The following PRR23E variants were observed in gnomAD, a reference collection of about 807,000 sequenced individuals.
PRR23E encodes PRR23 family member E.
the PRR23E span, chr3:127,197,369 C>T: frequency 1.3e-6 from 2 of 1,579,186 alleles, no homozygotes; most frequent in East Asian, 2.3e-5. Flanking sequence ...CCCGCTCCTC[C>T]TCCCGGTCAC....
chr3:127,194,661 G>A, the PRR23E span, among the ~76,000 whole-genome samples: 1 of 152,142 alleles, frequency 6.6e-6, no homozygotes, highest in Non-Finnish European at 1.5e-5. Flanking sequence ...GCAGTCTGGG[G>A]CCAGGGTGTC....
the PRR23E span, chr3:127,197,152 T>C: frequency 6.9e-6 from 11 of 1,593,688 alleles, no homozygotes; most frequent in Admixed American, 1.7e-5. Context: ...TGTCCCCAGG[T>C]GGGATGCTGG....
the PRR23E span, chr3:127,196,517 G>T: frequency 9.4e-7 from 1 of 1,064,632 alleles, no homozygotes; most frequent in Non-Finnish European, 1.3e-6. Context: ...ACCCCCAGCT[G>T]TCCCCCTCCT....
chr3:127,193,828 T>G, the PRR23E span, among the ~76,000 whole-genome samples: 1 of 152,238 alleles, frequency 6.6e-6, no homozygotes, highest in Non-Finnish European at 1.5e-5. Flanking sequence ...ATTGTAAAAA[T>G]CAAAGTTCCA....
the PRR23E span, chr3:127,196,567 A>C: frequency 7.0e-7 from 1 of 1,420,050 alleles, no homozygotes; most frequent in Non-Finnish European, 9.2e-7. Flanking sequence ...CTGCCCTCTG[A>C]CTGGCTGTCT....
the PRR23E span, among the ~76,000 whole-genome samples, chr3:127,195,261 CCTT>C: frequency 2.6e-4 from 40 of 152,282 alleles, no homozygotes; most frequent in South Asian, 2.5e-3. Flanking sequence ...ACCTTCCTCT[CCTT>C]CTCCTTACAT....
the PRR23E span, chr3:127,197,432 GACCCACCCAAC>G: frequency 8.1e-6 from 12 of 1,489,608 alleles, no homozygotes; most frequent in African/African-American, 1.4e-5. Context: ...TCTAGACCCA[GACCCACCCAAC>G]AATCAGAGAC....
the PRR23E span, chr3:127,196,612 G>A: frequency 5.4e-6 from 8 of 1,477,004 alleles, no homozygotes; most frequent in South Asian, 9.6e-5. Flanking sequence ...CCCGTGAGGT[G>A]CGTGTGGCCT....
chr3:127,195,397 T>C, the PRR23E span, among the ~76,000 whole-genome samples: 1 of 152,146 alleles, frequency 6.6e-6, no homozygotes, highest in Non-Finnish European at 1.5e-5. Context: ...ATGCTCGCCC[T>C]GAGAGTTCTG....
At chr3:127,195,111 C>T in the PRR23E span, among the ~76,000 whole-genome samples, 1 of 152,150 alleles carries the variant, frequency 6.6e-6, no homozygotes, top group Non-Finnish European at 1.5e-5. Flanking sequence ...TCTCCAGTTT[C>T]CGCTGTAACT....
chr3:127,195,132 T>G, the PRR23E span, among the ~76,000 whole-genome samples: 2 of 152,146 alleles, frequency 1.3e-5, no homozygotes, highest in Admixed American at 6.5e-5. Context: ...GTGTTTTGCC[T>G]GGGTGGAGGA....
At chr3:127,194,650 T>C in the PRR23E span, among the ~76,000 whole-genome samples, 3 of 152,294 alleles carry the variant, frequency 2.0e-5, no homozygotes, top group African/African-American at 7.2e-5. Context: ...AGTTGGCTCC[T>C]GCAGTCTGGG....
chr3:127,196,020 G>A, the PRR23E span, among the ~76,000 whole-genome samples: 23 of 152,238 alleles, frequency 1.5e-4, no homozygotes, highest in East Asian at 4.3e-3. Context: ...TGTGGGTGCT[G>A]AATATGCTGT....
At chr3:127,196,858 G>GTA in the PRR23E span, 1 of 1,599,302 alleles carries the variant, frequency 6.3e-7, no homozygotes, top group Non-Finnish European at 8.5e-7. Context: ...CTGGCCCTCT[G>GTA]GCCTGTCATC....
At chr3:127,195,197 G>A in the PRR23E span, among the ~76,000 whole-genome samples, 2 of 152,210 alleles carry the variant, frequency 1.3e-5, no homozygotes, top group Non-Finnish European at 2.9e-5. Context: ...ATCCGGGAGT[G>A]GGTCCTTGGC....
chr3:127,193,608 C>T, the PRR23E span, among the ~76,000 whole-genome samples: 1 of 152,182 alleles, frequency 6.6e-6, no homozygotes, highest in Non-Finnish European at 1.5e-5. Flanking sequence ...GGTAGAGGCC[C>T]AGATTAATGT....
chr3:127,197,268 G>C, the PRR23E span: 31 of 1,599,310 alleles, frequency 1.9e-5, no homozygotes, highest in Middle Eastern at 3.3e-4. Flanking sequence ...CTCCAGGTTC[G>C]GTATTTGGGC....
the PRR23E span, chr3:127,197,092 C>T: frequency 6.3e-7 from 1 of 1,598,182 alleles, no homozygotes; most frequent in Non-Finnish European, 8.5e-7. Context: ...AAATTCCCAC[C>T]CACCTACTCC....
the PRR23E span, chr3:127,197,142 T>C: frequency 6.3e-7 from 1 of 1,594,496 alleles, no homozygotes; most frequent in Non-Finnish European, 8.5e-7. Context: ...CTCCAGCCAC[T>C]GTCCCCAGGT....
Sources: allele counts gnomAD v4.1 joint callset (sites outside exome capture counted in the v4.1 genomes callset), GRCh38; gene constraint gnomAD v4.1.1; transcripts MANE v1.5; gene names NCBI Gene and HGNC (gene_info 2026-07-23, HGNC 2026-07-21).